Variants in MAST2 observed in about 807,000 individuals in gnomAD.
MAST2 encodes microtubule-associated serine/threonine-protein kinase 2.
In MAST2, 70 loss-of-function variants were observed where a neutral mutation model predicts 147.4. That is an observed-to-expected ratio of 0.47 (90% CI 0.39 to 0.58). MAST2 has a LOEUF of 0.58. MAST2 is among the 20% of genes least tolerant of loss of function. MAST2 has a pLI of 0.00. For synonymous variants in MAST2, 869 were observed against 896.8 expected (o/e 0.97, Z 0.55); for missense variants, 2,080 against 2,302.3 (o/e 0.90, Z 1.98).
intron 4 of MAST2, among the ~76,000 whole-genome samples, chr1:45,936,589 C>T (rs1477351647): frequency 1.3e-5 from 2 of 152,138 alleles, no homozygotes; most frequent in African/African-American, 4.8e-5. Flanking sequence ...CTCTGTGTAA[C>T]TAATCTCCTT....
chr1:46,012,929 G>A (rs1241209285), intron 10 of MAST2, among the ~76,000 whole-genome samples: 4 of 151,990 alleles, frequency 2.6e-5, no homozygotes, highest in African/African-American at 9.7e-5. Flanking sequence ...GGGATTACAG[G>A]TGTGAGCTGC....
At chr1:45,944,742 A>G (rs1657795961) in intron 4 of MAST2, among the ~76,000 whole-genome samples, 1 of 151,986 alleles carries the variant, frequency 6.6e-6, no homozygotes, top group Non-Finnish European at 1.5e-5. Flanking sequence ...TTGCATATTT[A>G]TTTGCCATCA....
In MAST2 at chr1:45,877,105, C is replaced by G. The variant is rs898341080; in HGVS notation, c.469-5259C>G. ...CACAGATTGGATCATTTATAAAGAA[C>G]AGACATTTATTTTCTCACAGTCCTG... On this transcript the variant is annotated intron_variant, in intron 3 of 28. Transcript: ENST00000361297. Among the ~76,000 whole-genome samples, 6 of 152,144 alleles carry G rather than the reference C, an allele frequency of 3.9e-5. No individual in the cohort carries two copies. The East Asian group carries it at 1.2e-3, about 29-fold the overall frequency.
At chr1:45,974,338 T>G (rs1432176570) in intron 5 of MAST2, among the ~76,000 whole-genome samples, 1 of 152,216 alleles carries the variant, frequency 6.6e-6, no homozygotes, top group African/African-American at 2.4e-5. Context: ...GGCTCACGCC[T>G]GTAATCCCCA....
chr1:46,023,823 G>C lies in MAST2; in HGVS notation c.1623G>C (p.Lys541Asn). 1 of 1,614,154 alleles carries C rather than the reference G, an allele frequency of 6.2e-7. No individual in the cohort carries two copies. Among genetic ancestry groups the C allele is most frequent in the Non-Finnish European group, 8.5e-7 (1 of 1,180,032 alleles). ...HKSTRQRFAM[K>N]KINKQNLILR... The stretch of plus-strand genomic sequence containing the variant: ...CCACCCGGCAGCGCTTTGCCATGAA[G>C]AAGATCAACAAGCAGAACCTGATCC... The change falls in exon 15 of 29, where the codon AAG (lysine) becomes AAC (asparagine). Residue 541 changes from lysine (K) to asparagine (N), a missense_variant. Physicochemically the swap from Lys to Asn is moderately conservative, Grantham distance 94. Transcript: ENST00000361297. The surrounding 1 kb of genome is among the most constrained non-coding windows in gnomAD (Gnocchi z 4.9).
chr1:45,870,379 T>C (rs529038637), intron 3 of MAST2, among the ~76,000 whole-genome samples: 2 of 152,232 alleles, frequency 1.3e-5, no homozygotes, highest in African/African-American at 4.8e-5. Context: ...GAATAATGTA[T>C]GATTCAGTTT....
intron 4 of MAST2, among the ~76,000 whole-genome samples, chr1:45,947,337 A>G (rs1344883986): frequency 6.6e-6 from 1 of 151,304 alleles, no homozygotes; most frequent in Admixed American, 6.6e-5. Context: ...AAAAACCCAA[A>G]CACCTCATAA....
chr1:45,863,430 A>G (rs1646044072), intron 3 of MAST2, among the ~76,000 whole-genome samples: 1 of 152,210 alleles, frequency 6.6e-6, no homozygotes, highest in African/African-American at 2.4e-5. Flanking sequence ...GGGAGAAGGA[A>G]TCCGTGGAAA....
chr1:45,873,808 TTTTG>T (rs1204458870), intron 3 of MAST2, among the ~76,000 whole-genome samples: 1 of 152,094 alleles, frequency 6.6e-6, no homozygotes, highest in Admixed American at 6.5e-5. Flanking sequence ...GAATAAAGGT[TTTTG>T]TTTGTTTGTT....
Position 46,029,554 on chromosome 1 carries a change from G to A in MAST2, c.2307G>A (p.Glu769=). ...AACTGCTCCACCAGAACCCTCTGGA[G>A]AGACTTGGCACAGGTAGGGCAGGCC... ...TSKLLHQNPL[E]RLGTGSAYEV... Residue 769 remains glutamate, a synonymous_variant, in exon 19 of 29, where the codon GAG becomes GAA. Transcript: ENST00000361297. 1 of 1,614,084 alleles carries A rather than the reference G, an allele frequency of 6.2e-7. No individual in the cohort carries two copies. Among genetic ancestry groups the A allele is most frequent in the Non-Finnish European group, 8.5e-7 (1 of 1,179,984 alleles).
At chr1:45,847,412 T>C (rs1038209234) in intron 3 of MAST2, 8 of 545,886 alleles carry the variant, frequency 1.5e-5, no homozygotes, top group Admixed American at 4.6e-5. Flanking sequence ...ATATCTTTTT[T>C]TGGGGGGGAT....
At chr1:45,956,958 G>A (rs1319657964) in intron 4 of MAST2, among the ~76,000 whole-genome samples, 7 of 152,200 alleles carry the variant, frequency 4.6e-5, no homozygotes, top group African/African-American at 1.4e-4. Flanking sequence ...TGTTGGACTC[G>A]TATTTGGTCG....
At chr1:46,019,567 A>T in intron 10 of MAST2, 29 bp from the exon 11 acceptor site, 1 of 1,590,198 alleles carries the variant, frequency 6.3e-7, no homozygotes, top group South Asian at 1.1e-5. Context: ...CTGGGCCAAT[A>T]GATTAAGCAA....
chr1:45,921,158 G>C (rs1653405331), intron 4 of MAST2, among the ~76,000 whole-genome samples: 1 of 152,148 alleles, frequency 6.6e-6, no homozygotes, highest in African/African-American at 2.4e-5. Context: ...ACCACGCCCA[G>C]CTAATTTTTG....
chr1:46,027,984 C>A, intron 17 of MAST2, 121 bp downstream of exon 17: 1 of 1,184,524 alleles, frequency 8.4e-7, no homozygotes, highest in Non-Finnish European at 1.2e-6. Flanking sequence ...TTGAGGCCAG[C>A]CTGGGCAACA....
chr1:45,895,670 G>A (rs960803975), intron 4 of MAST2, among the ~76,000 whole-genome samples: 2 of 151,980 alleles, frequency 1.3e-5, no homozygotes. Context: ...TTTAAAAAAA[G>A]TAAAAACAAA....
Position 46,031,427 on chromosome 1 carries a change from C to G in MAST2, c.3029C>G (p.Ala1010Gly). Residue 1010 changes from alanine to glycine, a missense_variant, in exon 24 of 29, where the codon GCT becomes GGT. Physicochemically the swap from Ala to Gly is moderately conservative, Grantham distance 60. This residue lies in a region of MAST2 where 1,278 missense variants were observed against 1,304.2 expected (regional missense o/e 0.98). Transcript: ENST00000361297. The surrounding 1 kb of genome is among the most constrained non-coding windows in gnomAD (Gnocchi z 4.1). The part of the protein sequence containing the change: ...ETRGRGTSQL[A>G]EGATAKAISD... ...CGAGGCCGTGGGACCTCACAGCTGG[C>G]TGAGGGAGCCACAGCCAAGGCCATC... 1 of 1,613,916 alleles carries G rather than the reference C, an allele frequency of 6.2e-7. No homozygotes were observed. The highest frequency in any genetic ancestry group is 8.5e-7 in the Non-Finnish European group (1 of 1,179,900).
At chr1:46,012,495 C>T (rs1645754923) in intron 10 of MAST2, among the ~76,000 whole-genome samples, 1 of 152,180 alleles carries the variant, frequency 6.6e-6, no homozygotes, top group East Asian at 1.9e-4. Flanking sequence ...GACCCATCAA[C>T]ATGTACTTAA....
chr1:45,982,776 C>T (rs1161281446), intron 5 of MAST2, among the ~76,000 whole-genome samples: 1 of 152,184 alleles, frequency 6.6e-6, no homozygotes, highest in South Asian at 2.1e-4. Context: ...GGCCCCTCCC[C>T]CTGCCATCCC....
Sources: allele counts gnomAD v4.1 joint callset (sites outside exome capture counted in the v4.1 genomes callset), GRCh38; gene constraint gnomAD v4.1.1; regional missense constraint gnomAD v4.1.1; non-coding constraint Gnocchi (gnomAD v3.1); transcripts MANE v1.5; gene names NCBI Gene and HGNC (gene_info 2026-07-23, HGNC 2026-07-21).